CNTN5: variants seen among roughly 807,000 people sequenced by gnomAD.
CNTN5 encodes the protein contactin-5.
CNTN5 carries 77 observed loss-of-function variants against 129.1 expected under a neutral mutation model. The ratio of observed to expected loss-of-function variants is 0.60; its 90% CI spans 0.50 to 0.72. CNTN5 has a LOEUF of 0.72. Among genes scored for constraint, CNTN5 ranks in the 30% least tolerant of loss-of-function variants. The probability of loss-of-function intolerance (pLI) is 0.00; values close to 1 mark genes in which losing one functional copy is unlikely to be tolerated. For synonymous variants in CNTN5, 509 were observed against 465.6 expected, an observed-to-expected ratio of 1.09 and a Z score of -1.20; for missense variants, 1,478 against 1,328.8, an observed-to-expected ratio of 1.11 and a Z score of -1.75.
intron 3 of CNTN5, among the ~76,000 whole-genome samples, chr11:99,697,870 G>A (rs1483283920): frequency 1.3e-5 from 2 of 151,646 alleles, no homozygotes; most frequent in Admixed American, 6.6e-5. Flanking sequence ...TGATTTAAAA[G>A]CAATCATGGG....
At chr11:99,044,393 C>T (rs1864120705) in intron 1 of CNTN5, among the ~76,000 whole-genome samples, 1 of 152,134 alleles carries the variant, frequency 6.6e-6, no homozygotes. Context: ...CTCCAGGTCC[C>T]TGTCTCTAAT....
At chr11:99,865,467 GA>G (rs1228885039) in intron 6 of CNTN5, among the ~76,000 whole-genome samples, 1 of 150,904 alleles carries the variant, frequency 6.6e-6, no homozygotes, top group African/African-American at 2.4e-5. Context: ...ATTTTACCAG[GA>G]AAAAATCATG....
intron 18 of CNTN5, among the ~76,000 whole-genome samples, chr11:100,296,433 T>G: frequency 6.6e-6 from 1 of 151,528 alleles, no homozygotes; most frequent in East Asian, 1.9e-4. Context: ...ATCCGTGAGA[T>G]GAACTCCACA....
intron 1 of CNTN5, among the ~76,000 whole-genome samples, chr11:99,293,512 A>G (rs564813622): frequency 8.8e-4 from 134 of 152,238 alleles, no homozygotes; most frequent in Non-Finnish European, 1.6e-3. Flanking sequence ...TCTACTTTAA[A>G]TGTTTGGTAG....
intron 20 of CNTN5, among the ~76,000 whole-genome samples, chr11:100,303,165 A>G (rs1295306444): frequency 4.0e-5 from 6 of 151,568 alleles, no homozygotes; most frequent in African/African-American, 1.5e-4. Context: ...TACCCTGTAC[A>G]TGTGTCAAAT....
intron 18 of CNTN5, among the ~76,000 whole-genome samples, chr11:100,280,389 G>A (rs543328204): frequency 6.6e-6 from 1 of 151,390 alleles, no homozygotes; most frequent in Non-Finnish European, 1.5e-5. Flanking sequence ...ATTTCAAATT[G>A]TTATATCCTC....
rs1950410981 is a variant in CNTN5, at chr11:99,940,506, A to C, written c.674-16300A>C. ...AGTGTTCTCATAAAGATACTCCTAC[A>C]TCATTTAATCATAAAGTGTTTATTT... is the stretch of plus-strand genomic sequence containing the variant. On this transcript the variant is annotated intron_variant, in intron 7 of 24. Transcript: ENST00000524871. Among the ~76,000 whole-genome samples the C allele has an allele frequency of 1.3e-5, 2 of 152,168 alleles. 1 individual carries two copies. Among genetic ancestry groups the C allele is most frequent in the African/African-American group, 4.8e-5 (2 of 41,448 alleles).
intron 3 of CNTN5, among the ~76,000 whole-genome samples, chr11:99,774,486 A>C (rs1240972542): frequency 7.9e-6 from 1 of 126,862 alleles, no homozygotes; most frequent in African/African-American, 2.6e-5. Context: ...AGAAATTCAT[A>C]GGAGAAGTAA....
rs201638465 is a variant in CNTN5 at position 100,341,182 on chromosome 11, G to A, written c.3007G>A (p.Glu1003Lys). ...GWEPVIPLANESEVVGYKVFY... is the reference protein window; with the variant it reads ...GWEPVIPLANKSEVVGYKVFY... The stretch of plus-strand genomic sequence containing the variant: ...GGAACCCGTCATACCATTAGCCAAC[G>A]AATCTGAAGTTGTGGGTTACAAGGT... Residue 1003 changes from glutamate to lysine, a missense_variant, in exon 23 of 25, where the codon GAA (glutamate) becomes AAA (lysine). Physicochemically the swap from Glu to Lys is moderately conservative, Grantham distance 56 (BLOSUM62 1). Transcript: ENST00000524871. 3.7e-6 allele frequency: 6 copies of A among 1,613,554 alleles called. No individual in the cohort carries two copies. The highest frequency in any genetic ancestry group is 4.2e-6 in the Non-Finnish European group (5 of 1,179,542).
intron 6 of CNTN5, among the ~76,000 whole-genome samples, chr11:99,898,258 G>T (rs1443202679): frequency 6.6e-6 from 1 of 151,720 alleles, no homozygotes; most frequent in African/African-American, 2.4e-5. Flanking sequence ...TGATACAAAG[G>T]ATCAATGAAA....
chr11:99,410,306 G>A (rs1942333834), intron 2 of CNTN5, among the ~76,000 whole-genome samples: 1 of 152,158 alleles, frequency 6.6e-6, no homozygotes, highest in African/African-American at 2.4e-5. Flanking sequence ...AAGGTCCTTT[G>A]CAATTTGTAG....
intron 9 of CNTN5, among the ~76,000 whole-genome samples, chr11:100,011,103 G>T (rs1940502009): frequency 6.6e-6 from 1 of 152,080 alleles, no homozygotes; most frequent in South Asian, 2.1e-4. Context: ...ATAACAGGAG[G>T]TGTGTTACTG....
chr11:99,471,662 A>G (rs1403379311), intron 2 of CNTN5, among the ~76,000 whole-genome samples: 3 of 151,636 alleles, frequency 2.0e-5, no homozygotes, highest in Non-Finnish European at 2.9e-5. Flanking sequence ...GGATTATACT[A>G]TTTAAGTCAT....
chr11:99,025,779 G>GTTGAT (rs1863083513), intron 1 of CNTN5, among the ~76,000 whole-genome samples: 1 of 151,614 alleles, frequency 6.6e-6, no homozygotes, highest in South Asian at 2.1e-4. Flanking sequence ...GAAATGGGAT[G>GTTGAT]TTGATTTTGT....
intron 1 of CNTN5, among the ~76,000 whole-genome samples, chr11:99,236,538 G>A (rs1011662996): frequency 8.6e-5 from 13 of 151,602 alleles, no homozygotes; most frequent in African/African-American, 3.2e-4. Flanking sequence ...CTCAAAATCT[G>A]CTTCAACTGT....
chr11:99,881,761 A>G (rs565688755), intron 6 of CNTN5, among the ~76,000 whole-genome samples: 1 of 152,314 alleles, frequency 6.6e-6, no homozygotes, highest in African/African-American at 2.4e-5. Flanking sequence ...GGTCATTACT[A>G]TGATTTGTAG....
chr11:99,707,346 C>A (rs1455841963), intron 3 of CNTN5, among the ~76,000 whole-genome samples: 1 of 151,482 alleles, frequency 6.6e-6, no homozygotes, highest in Non-Finnish European at 1.5e-5. Flanking sequence ...TTGTCCTAAA[C>A]TAACCTAAAA....
In CNTN5 at chr11:99,095,798, C is replaced by T. The variant is rs538011094; in HGVS notation, c.-210+74528C>T. Among the ~76,000 whole-genome samples, 4 of 151,932 alleles carry T rather than the reference C, an allele frequency of 2.6e-5. No homozygotes were observed. The East Asian group carries it at 7.7e-4, about 29-fold the overall frequency. Reference sequence around the variant, plus strand: ...AGTATTTTGGACATTATTTTGTGAGCAGTCAGGAGCCACGAACTTTATGTT... The same window carrying T: ...AGTATTTTGGACATTATTTTGTGAGTAGTCAGGAGCCACGAACTTTATGTT... On this transcript the variant is annotated intron_variant, in intron 1 of 24. Transcript: ENST00000524871.
intron 9 of CNTN5, among the ~76,000 whole-genome samples, chr11:100,011,465 A>G (rs1277795397): frequency 6.6e-6 from 1 of 152,138 alleles, no homozygotes; most frequent in Non-Finnish European, 1.5e-5. Flanking sequence ...AAAAAATTTT[A>G]CATGTTTCTT....
Sources: allele counts gnomAD v4.1 joint callset (sites outside exome capture counted in the v4.1 genomes callset), GRCh38; gene constraint gnomAD v4.1.1; transcripts MANE v1.5; gene names NCBI Gene and HGNC (gene_info 2026-07-23, HGNC 2026-07-21).